FSTL4: variants seen among roughly 807,000 people sequenced by gnomAD.
FSTL4 encodes follistatin-related protein 4.
A neutral mutation model predicts 78.2 loss-of-function variants in FSTL4; 28 were observed. The ratio of observed to expected loss-of-function variants is 0.36; its 90% CI spans 0.27 to 0.49. FSTL4 has a LOEUF of 0.49. FSTL4 is among the 20% of genes least tolerant of loss of function. The pLI is 0.98. For synonymous variants in FSTL4, 422 were observed against 440.5 expected, an observed-to-expected ratio of 0.96 and a Z score of 0.53; for missense variants, 922 against 1,084.9, an observed-to-expected ratio of 0.85 and a Z score of 2.11.
the FSTL4 span, among the ~76,000 whole-genome samples, chr5:133,834,819 T>C: frequency 2.0e-5 from 3 of 152,048 alleles, no homozygotes; most frequent in Non-Finnish European, 4.4e-5. Flanking sequence ...TATAGTTAGA[T>C]CCTGTTTTGG....
At chr5:133,418,606 G>C (rs960076774) in intron 3 of FSTL4, among the ~76,000 whole-genome samples, 3 of 152,072 alleles carry the variant, frequency 2.0e-5, no homozygotes, top group African/African-American at 7.2e-5. Flanking sequence ...AACAAGCTTG[G>C]AGAACAAATG....
intron 3 of FSTL4, among the ~76,000 whole-genome samples, chr5:133,560,578 T>A (rs1479533986): frequency 6.6e-6 from 1 of 151,880 alleles, no homozygotes; most frequent in Non-Finnish European, 1.5e-5. Flanking sequence ...GCTGGCCAGG[T>A]TGGTCTTGAA....
rs1376502453 is a variant in FSTL4 at position 133,611,267 on chromosome 5, C to T, written c.-11+1058G>A. On this transcript the variant is annotated intron_variant, in intron 1 of 15. Coordinates refer to ENST00000265342, the MANE Select transcript of FSTL4 (RefSeq NM_015082.2). The surrounding 1 kb of genome is among the most constrained non-coding windows in gnomAD (Gnocchi z 4.9). ...CTCCTAGTGCACTTGCCGCGCCGCG[C>T]GGAGGCTCGCCGCGCTCTGGAAAAC... Among the ~76,000 whole-genome samples, 1 of 152,130 alleles carries T rather than the reference C, an allele frequency of 6.6e-6. No homozygotes were observed. Among genetic ancestry groups the T allele is most frequent in the African/African-American group, 2.4e-5 (1 of 41,436 alleles).
the FSTL4 span, among the ~76,000 whole-genome samples, chr5:133,823,722 G>C: frequency 1.3e-5 from 2 of 152,152 alleles, no homozygotes; most frequent in Admixed American, 6.5e-5. Flanking sequence ...AAGTCCCTCT[G>C]TTGTAAAATG....
At chr5:133,499,564 T>C (rs1758445876) in intron 3 of FSTL4, among the ~76,000 whole-genome samples, 1 of 152,160 alleles carries the variant, frequency 6.6e-6, no homozygotes, top group South Asian at 2.1e-4. Context: ...ACCTCCTAGG[T>C]TGCAGTTCAG....
chr5:133,452,393 C>G (rs1757402282), intron 3 of FSTL4, among the ~76,000 whole-genome samples: 1 of 152,220 alleles, frequency 6.6e-6, no homozygotes, highest in South Asian at 2.1e-4. Context: ...GAAAACAATG[C>G]AGGAATTCTT....
At chr5:133,616,982 T>G (rs1338639024), upstream of FSTL4, among the ~76,000 whole-genome samples, 1 of 152,116 alleles carries the variant, frequency 6.6e-6, no homozygotes, top group Non-Finnish European at 1.5e-5. Flanking sequence ...TCCCCTCTGC[T>G]GTTACTGCCA....
intron 3 of FSTL4, among the ~76,000 whole-genome samples, chr5:133,506,537 A>C (rs939501395): frequency 6.6e-6 from 1 of 152,184 alleles, no homozygotes; most frequent in African/African-American, 2.4e-5. Context: ...AAGCAGGACG[A>C]ATAAAAATTC....
At chr5:133,334,728 T>TG (rs1754426435) in intron 4 of FSTL4, among the ~76,000 whole-genome samples, 1 of 151,976 alleles carries the variant, frequency 6.6e-6, no homozygotes, top group Admixed American at 6.5e-5. Context: ...CCTAGGTACA[T>TG]GGGGGAGGGG....
chr5:133,261,173 G>A (rs532162602), intron 6 of FSTL4, among the ~76,000 whole-genome samples: 15 of 152,232 alleles, frequency 9.9e-5, no homozygotes, highest in African/African-American at 3.4e-4. Flanking sequence ...TCTCCATCAC[G>A]AGAAGGCCCC....
the FSTL4 span, among the ~76,000 whole-genome samples, chr5:133,733,409 A>T: frequency 6.6e-6 from 1 of 152,234 alleles, no homozygotes; most frequent in Non-Finnish European, 1.5e-5. Context: ...ATTCATAATC[A>T]CATGCACAAA....
chr5:133,276,790 A>C (rs1290756631), intron 6 of FSTL4, among the ~76,000 whole-genome samples: 2 of 152,166 alleles, frequency 1.3e-5, no homozygotes, highest in African/African-American at 4.8e-5. Context: ...ATTATTTATA[A>C]TTTTCCCAAA....
chr5:133,295,256 C>G (rs1209785489), intron 6 of FSTL4, among the ~76,000 whole-genome samples: 1 of 152,156 alleles, frequency 6.6e-6, no homozygotes, highest in Non-Finnish European at 1.5e-5. Flanking sequence ...TCTGTCGGTT[C>G]ACACTCTCAG....
chr5:133,817,446 G>A, the FSTL4 span, among the ~76,000 whole-genome samples: 6 of 152,192 alleles, frequency 3.9e-5, no homozygotes, highest in Admixed American at 3.9e-4. Context: ...AAGGAAGATA[G>A]GGTGACCAAA....
chr5:133,527,509 G>A (rs905236536), intron 3 of FSTL4, among the ~76,000 whole-genome samples: 2 of 150,770 alleles, frequency 1.3e-5, no homozygotes, highest in African/African-American at 2.4e-5. Flanking sequence ...ACACCCATAA[G>A]TGCATTCACT....
At position 133,461,873 on chromosome 5, in the gene FSTL4, A is replaced by T. The variant is rs77561376; in HGVS notation, c.161-60887T>A. On this transcript the variant is annotated intron_variant, in intron 3 of 15. Transcript: ENST00000265342. ...CCGAGACCTAGGATGTTTAAATAAG[A>T]AAATAACTACACATTCTCACAACCA... is the stretch of plus-strand genomic sequence containing the variant. Among the ~76,000 whole-genome samples the T allele has an allele frequency of 4.6e-5, 7 of 152,302 alleles. No homozygotes were observed. The East Asian group carries it at 1.2e-3, about 25-fold the overall frequency.
At chr5:133,771,131 T>C in the FSTL4 span, among the ~76,000 whole-genome samples, 1 of 152,176 alleles carries the variant, frequency 6.6e-6, no homozygotes, top group Non-Finnish European at 1.5e-5. Flanking sequence ...TACAGCCTTG[T>C]AATATAATTT....
At chr5:133,641,000 G>A in the FSTL4 span, among the ~76,000 whole-genome samples, 2 of 152,122 alleles carry the variant, frequency 1.3e-5, no homozygotes, top group Non-Finnish European at 2.9e-5. Flanking sequence ...TCCTTGGCAG[G>A]GGTACCATGT....
intron 4 of FSTL4, among the ~76,000 whole-genome samples, chr5:133,376,122 A>G (rs762438540): frequency 1.4e-4 from 21 of 152,262 alleles, no homozygotes; most frequent in Non-Finnish European, 8.8e-5. Flanking sequence ...AGACAGCTTC[A>G]GTGCTCTCAA....
Sources: allele counts gnomAD v4.1 joint callset (sites outside exome capture counted in the v4.1 genomes callset), GRCh38; gene constraint gnomAD v4.1.1; non-coding constraint Gnocchi (gnomAD v3.1); transcripts MANE v1.5; gene names NCBI Gene and HGNC (gene_info 2026-07-23, HGNC 2026-07-21).